Variants in KLF12 observed in about 807,000 individuals in gnomAD.
KLF12 encodes the protein KLF transcription factor 12, also known as Krueppel-like factor 12.
A neutral mutation model predicts 37.8 loss-of-function variants in KLF12; 9 were observed. The observed-to-expected ratio is 0.24, with a 90% CI of 0.14 to 0.42. The LOEUF (loss-of-function observed/expected upper bound fraction) is 0.42. Ranked by LOEUF, KLF12 falls within the 10% of genes least tolerant of loss-of-function variation. The pLI, the probability that KLF12 is intolerant of heterozygous loss-of-function variation, is 1.00. For missense variants in KLF12, 411 were observed against 516.0 expected (o/e 0.80, Z 1.97); for synonymous variants, 208 against 202.1 (o/e 1.03, Z -0.25).
intron 6 of KLF12, among the ~76,000 whole-genome samples, chr13:73,752,325 C>G (rs1401658863): frequency 3.3e-5 from 5 of 152,110 alleles, no homozygotes; most frequent in Non-Finnish European, 5.9e-5. Flanking sequence ...ATTTTTACAG[C>G]CTTTAGTTAA....
chr13:73,870,806 C>G (rs569835486), intron 3 of KLF12, among the ~76,000 whole-genome samples: 4 of 152,256 alleles, frequency 2.6e-5, no homozygotes, highest in African/African-American at 9.6e-5. Flanking sequence ...AAATATATTT[C>G]TTTCTTCTCT....
the KLF12 span, among the ~76,000 whole-genome samples, chr13:74,184,057 G>A: frequency 6.6e-6 from 1 of 152,132 alleles, no homozygotes; most frequent in East Asian, 1.9e-4. Flanking sequence ...TCAGCATCAG[G>A]GAACTTGATA....
chr13:73,720,969 A>G (rs897018383), intron 6 of KLF12, among the ~76,000 whole-genome samples: 1 of 152,238 alleles, frequency 6.6e-6, no homozygotes, highest in Non-Finnish European at 1.5e-5. Flanking sequence ...AGAGCAGAAA[A>G]CACTGGAATT....
intron 3 of KLF12, among the ~76,000 whole-genome samples, chr13:73,871,106 T>A (rs901002191): frequency 3.3e-5 from 5 of 152,276 alleles, no homozygotes; most frequent in African/African-American, 9.6e-5. Flanking sequence ...ATGTTCTCAT[T>A]TAAGAGTCAG....
the KLF12 span, among the ~76,000 whole-genome samples, chr13:74,176,825 AC>A: frequency 1.3e-5 from 2 of 151,362 alleles, no homozygotes; most frequent in Non-Finnish European, 2.9e-5. Context: ...GCCCCAGAAA[AC>A]CTCTGCTTTA....
rs142993727 is a variant in KLF12, at chr13:73,828,493, T to A, written c.671-15206A>T. ...TTGTGCCAGAACAAGAACCTGGGCA[T>A]TATCCTAGATTTATCTTTTCCTTTA... On this transcript the variant is annotated intron_variant, in intron 4 of 7. Transcript: ENST00000377669. Among the ~76,000 whole-genome samples, 252 of 152,194 alleles carry A rather than the reference T, an allele frequency of 1.7e-3. 1 individual carries two copies. Among genetic ancestry groups the A allele is most frequent in the Non-Finnish European group, 2.5e-3 (171 of 68,030 alleles).
intron 5 of KLF12, among the ~76,000 whole-genome samples, chr13:73,808,711 A>C (rs961073495): frequency 6.6e-6 from 1 of 152,224 alleles, no homozygotes; most frequent in Non-Finnish European, 1.5e-5. Context: ...ACGCTATATA[A>C]ATATACTAAT....
intron 6 of KLF12, among the ~76,000 whole-genome samples, chr13:73,753,817 TA>T (rs1258460745): frequency 6.6e-6 from 1 of 152,136 alleles, no homozygotes; most frequent in Non-Finnish European, 1.5e-5. Flanking sequence ...ACATGGAAGC[TA>T]GGCAGAGAAG....
the KLF12 span, among the ~76,000 whole-genome samples, chr13:74,223,986 T>C: frequency 6.6e-6 from 1 of 152,226 alleles, no homozygotes; most frequent in East Asian, 1.9e-4. Context: ...GGAGAATCTA[T>C]GTAATGGAGA....
intron 5 of KLF12, among the ~76,000 whole-genome samples, chr13:73,772,398 A>T (rs1339275737): frequency 6.6e-6 from 1 of 152,194 alleles, no homozygotes; most frequent in Non-Finnish European, 1.5e-5. Context: ...GCCATGTGAT[A>T]AACAGCTGCA....
intron 3 of KLF12, among the ~76,000 whole-genome samples, chr13:73,908,534 G>T (rs1888421822): frequency 6.6e-6 from 1 of 150,578 alleles, no homozygotes; most frequent in South Asian, 2.1e-4. Context: ...AGGCTGGAGT[G>T]TGATGGCATG....
At chr13:74,074,236 G>C (rs1013139878) in intron 1 of KLF12, among the ~76,000 whole-genome samples, 3 of 152,130 alleles carry the variant, frequency 2.0e-5, no homozygotes, top group Admixed American at 6.5e-5. Context: ...GGTATGTCAA[G>C]TCAACTCTAA....
the KLF12 span, among the ~76,000 whole-genome samples, chr13:74,294,025 C>A: frequency 5.9e-3 from 893 of 152,286 alleles, 3 homozygotes; most frequent in Non-Finnish European, 9.2e-3. Context: ...TTTAAAGTAT[C>A]TACAATCACT....
intron 1 of KLF12, among the ~76,000 whole-genome samples, chr13:74,094,726 G>A (rs1875880788): frequency 6.6e-6 from 1 of 151,144 alleles, no homozygotes; most frequent in African/African-American, 2.4e-5. Context: ...CAACCTCCCA[G>A]GTAGCTAGAA....
intron 6 of KLF12, among the ~76,000 whole-genome samples, chr13:73,753,714 T>G (rs1164726433): frequency 6.7e-6 from 1 of 149,914 alleles, no homozygotes; most frequent in African/African-American, 2.5e-5. Flanking sequence ...GATGATCAGG[T>G]TTGTAAGTGA....
intron 3 of KLF12, among the ~76,000 whole-genome samples, chr13:73,903,137 T>C (rs1373191031): frequency 6.6e-6 from 1 of 152,256 alleles, no homozygotes; most frequent in Non-Finnish European, 1.5e-5. Flanking sequence ...TAATATGATC[T>C]AACAAAAGAT....
At chr13:74,068,558 CTTT>C (rs71115634) in intron 1 of KLF12, among the ~76,000 whole-genome samples, 8 of 135,130 alleles carry the variant, frequency 5.9e-5, no homozygotes, top group Non-Finnish European at 4.7e-5. Flanking sequence ...AAATTTTTTT[CTTT>C]TTTTTTTTTT....
chr13:74,121,277 C>T (rs756762305), intron 1 of KLF12, among the ~76,000 whole-genome samples: 1 of 152,000 alleles, frequency 6.6e-6, no homozygotes, highest in Non-Finnish European at 1.5e-5. Flanking sequence ...ATATAGAATT[C>T]TCCAGTAAAT....
chr13:73,789,526 C>A (rs1246396961), intron 5 of KLF12, among the ~76,000 whole-genome samples: 3 of 152,092 alleles, frequency 2.0e-5, no homozygotes, highest in African/African-American at 7.2e-5. Flanking sequence ...CAGGGTAAGA[C>A]CACGCAAAAT....
Sources: gnomAD v4.1 joint callset for allele counts (sites outside exome capture counted in the v4.1 genomes callset) on GRCh38, gnomAD v4.1.1 for gene constraint, MANE v1.5 for transcripts, NCBI Gene and HGNC (gene_info 2026-07-23, HGNC 2026-07-21) for gene names.